The following SRSF1 variants were observed in gnomAD, a reference collection of about 807,000 sequenced individuals.
SRSF1 encodes the protein serine/arginine-rich splicing factor 1.
A neutral mutation model predicts 25.9 loss-of-function variants in SRSF1; 1 was observed. That is an observed-to-expected ratio of 0.04 (90% CI 0.01 to 0.18). SRSF1 has a LOEUF of 0.18. Ranked by LOEUF, SRSF1 falls within the 10% of genes least tolerant of loss-of-function variation. The pLI is 1.00. For synonymous variants in SRSF1, 132 were observed against 126.2 expected (o/e 1.05, Z -0.31); for missense variants, 65 against 350.5 (o/e 0.19, Z 6.50).
chr17:58,001,406 T>C lies in SRSF1; in HGVS notation c.*4000A>G, dbSNP rs1229802759. 1.3e-5 allele frequency among the ~76,000 whole-genome samples: 2 copies of C among 152,182 alleles called. No homozygotes were observed. Among genetic ancestry groups the C allele is most frequent in the Admixed American group, 1.3e-4 (2 of 15,272 alleles). On this transcript the variant is annotated 3_prime_UTR_variant, in exon 4 of 4. Transcript: ENST00000258962. ...GAATCTATTCATATTCCAAACAGCATTTTAAAAAACATTAAACTTAGCTTA... is the reference window on the plus strand; with the variant it reads ...GAATCTATTCATATTCCAAACAGCACTTTAAAAAACATTAAACTTAGCTTA...
chr17:58,006,600 AC>A (rs950222501), intron 1 of SRSF1, 73 bp from the exon 2 acceptor site: 7 of 1,480,286 alleles, frequency 4.7e-6, no homozygotes, highest in South Asian at 2.6e-5. Context: ...GAACCAGCAA[AC>A]CCCCCGCACA....
chr17:58,007,212 C>T lies in SRSF1; in HGVS notation c.-75G>A. 9 of 1,552,706 alleles carry T rather than the reference C, an allele frequency of 5.8e-6. No individual in the cohort carries two copies. Among genetic ancestry groups the T allele is most frequent in the Non-Finnish European group, 7.9e-6 (9 of 1,139,200 alleles). Reference sequence around the variant, plus strand: ...AGCGCACGGCAGAGCGAGCCCGCAGCGGCACCACGTCTCCCGCGGCCCCTC... The same window carrying T: ...AGCGCACGGCAGAGCGAGCCCGCAGTGGCACCACGTCTCCCGCGGCCCCTC... On this transcript the variant is annotated 5_prime_UTR_variant, in exon 1 of 4. Coordinates refer to ENST00000258962, the MANE Select transcript of SRSF1 (RefSeq NM_006924.5).
At position 58,001,553 on chromosome 17, in the gene SRSF1, A is replaced by C. The variant is rs572530644; in HGVS notation, c.*3853T>G. 5.3e-5 allele frequency among the ~76,000 whole-genome samples: 8 copies of C among 152,342 alleles called. No homozygotes were observed. The highest frequency in any genetic ancestry group is 5.9e-5 in the Non-Finnish European group (4 of 68,014). On this transcript the variant is annotated 3_prime_UTR_variant, in exon 4 of 4. Coordinates refer to ENST00000258962, the MANE Select transcript of SRSF1 (RefSeq NM_006924.5). The stretch of plus-strand genomic sequence containing the variant: ...GGTTATTCAATCTGATGTTATGAAA[A>C]GTAATTGCTTCTTAAAGAGACTTAA...
intron 1 of SRSF1, 42 bp downstream of exon 1, chr17:58,006,902 C>G: frequency 6.2e-7 from 1 of 1,606,796 alleles, no homozygotes. Context: ...CCCAACTACT[C>G]GGACCTATTT....
chr17:58,006,327 C>A lies in SRSF1; in HGVS notation c.379+16G>T. 1 of 1,599,052 alleles carries A rather than the reference C, an allele frequency of 6.3e-7. No individual in the cohort carries two copies. ...TTTCGTCCCTTCACATCAATCCACA[C>A]AACCAGTACACTCACCAGAGACAAC... On this transcript the variant is annotated intron_variant, in intron 2 of 3. Transcript: ENST00000258962.
Position 58,005,730 on chromosome 17 carries a change from AC to A in SRSF1, c.552+70del, listed in dbSNP as rs1000390268. On this transcript the variant is annotated intron_variant, in intron 3 of 3. Coordinates refer to ENST00000258962, the MANE Select transcript of SRSF1 (RefSeq NM_006924.5). This position sits in a 1 kb window ranked among gnomAD's most constrained non-coding sequence, Gnocchi z 5.2. ...CTTGGACAACCTTGCCTGAATCCTT[AC>A]CTTGAAATTCCACTGTTAAGACCAC... 1 of 1,612,072 alleles carries A rather than the reference AC, an allele frequency of 6.2e-7. No homozygotes were observed. Among genetic ancestry groups the A allele is most frequent in the African/African-American group, 1.3e-5 (1 of 74,840 alleles).
chr17:57,996,894 TCAC>T (rs1225236526), downstream of SRSF1, among the ~76,000 whole-genome samples: 2 of 152,154 alleles, frequency 1.3e-5, no homozygotes, highest in African/African-American at 4.8e-5. Context: ...TCTAGTCTCT[TCAC>T]AATACATCGT....
At position 58,007,201 on chromosome 17, in the gene SRSF1, C is replaced by G. The variant is rs1598062294; in HGVS notation, c.-64G>C. On this transcript the variant is annotated 5_prime_UTR_variant, in exon 1 of 4. Coordinates refer to ENST00000258962, the MANE Select transcript of SRSF1 (RefSeq NM_006924.5). ...CCACCAAGCCTAGCGCACGGCAGAG[C>G]GAGCCCGCAGCGGCACCACGTCTCC... 8 of 1,583,232 alleles carry G rather than the reference C, an allele frequency of 5.1e-6. No homozygotes were observed. The highest frequency in any genetic ancestry group is 2.7e-5 in the African/African-American group (2 of 74,566).
chr17:57,989,740 A>G, the SRSF1 span: 1 of 398,542 alleles, frequency 2.5e-6, no homozygotes, highest in Admixed American at 4.4e-5. Flanking sequence ...ATGAATGAGA[A>G]GTTCTGCAGT....
chr17:58,006,976 C>T lies in SRSF1; in HGVS notation c.162G>A (p.Pro54=). 2 of 1,614,254 alleles carry T rather than the reference C, an allele frequency of 1.2e-6. No homozygotes were observed. The highest frequency in any genetic ancestry group is 1.1e-5 in the South Asian group (1 of 91,088). The change falls in exon 1 of 4, where the codon CCG becomes CCA. Residue 54 remains proline, a synonymous_variant. Coordinates refer to ENST00000258962, the MANE Select transcript of SRSF1 (RefSeq NM_006924.5). ...DIDLKNRRGG[P]PFAFVEFEDP... is the part of the protein sequence containing the mutation. ...CCTCGAACTCAACGAAGGCGAAGGG[C>T]GGTCCCCCGCGGCGATTCTTGAGGT...
the SRSF1 span, chr17:57,990,281 G>C: frequency 6.6e-6 from 1 of 152,220 alleles, no homozygotes; most frequent in African/African-American, 2.4e-5. Context: ...AAACAGTCCA[G>C]TTCTCATTAC....
At chr17:57,994,953 CAAAG>C in the SRSF1 span, 2 of 152,134 alleles carry the variant, frequency 1.3e-5, no homozygotes, top group Non-Finnish European at 2.9e-5. Context: ...CCAAGCCTTG[CAAAG>C]AAATAATTAT....
At chr17:58,006,556 G>C in intron 1 of SRSF1, 29 bp from the exon 2 acceptor site, 1 of 1,592,724 alleles carries the variant, frequency 6.3e-7, no homozygotes, top group African/African-American at 1.3e-5. Flanking sequence ...TAAAAGGGAT[G>C]AGAAACACCA....
chr17:58,006,822 T>C (rs1255014808), intron 1 of SRSF1, 122 bp downstream of exon 1: 1 of 1,212,336 alleles, frequency 8.2e-7, no homozygotes, highest in Non-Finnish European at 1.2e-6. Context: ...GCATGGGCGA[T>C]ACAGTCTCGC....
In SRSF1 at chr17:58,005,969, C is replaced by T; in HGVS notation, c.384G>A (p.Leu128=). 3.7e-6 allele frequency: 6 copies of T among 1,610,136 alleles called. No homozygotes were observed. The highest frequency in any genetic ancestry group is 5.1e-6 in the Non-Finnish European group (6 of 1,179,542). The part of the protein sequence containing the change: ...RSENRVVVSG[L]PPSGSWQDLK... ...AATCCTGCCAACTTCCACTTGGAGGCAGTCCTGAAAAAGTGATTTTTTTTT... is the reference window on the plus strand; with the variant it reads ...AATCCTGCCAACTTCCACTTGGAGGTAGTCCTGAAAAAGTGATTTTTTTTT... The change falls in exon 3 of 4, where the codon CTG becomes CTA. Residue 128 remains leucine, a synonymous_variant. Transcript: ENST00000258962. This position sits in a 1 kb window ranked among gnomAD's most constrained non-coding sequence, Gnocchi z 5.2.
chr17:57,989,792 T>A, the SRSF1 span: 1 of 398,656 alleles, frequency 2.5e-6, no homozygotes, highest in Non-Finnish European at 4.4e-6. Context: ...AGGGAACCGG[T>A]CAGCCTAAGA....
At chr17:57,995,003 G>A in the SRSF1 span, among the ~76,000 whole-genome samples, 14 of 152,302 alleles carry the variant, frequency 9.2e-5, no homozygotes, top group East Asian at 1.5e-3. Flanking sequence ...AGTGCGTAAC[G>A]AGCACTGGGA....
Position 58,006,926 on chromosome 17 carries a change from A to T in SRSF1, c.194+18T>A. ...TCGGACCTATTTCCTCAAGGCTGCA[A>T]GCCCCATGCCGCCTCACCGCGGGTC... On this transcript the variant is annotated intron_variant, in intron 1 of 3. Transcript: ENST00000258962. The T allele has an allele frequency of 6.2e-7, 1 of 1,613,636 alleles. No homozygotes were observed. Among genetic ancestry groups the T allele is most frequent in the Non-Finnish European group, 8.5e-7 (1 of 1,179,628 alleles).
chr17:57,989,406 G>T, the SRSF1 span: 1 of 397,914 alleles, frequency 2.5e-6, no homozygotes, highest in Non-Finnish European at 4.4e-6. Context: ...TCTTCAGATG[G>T]ACGCATTATT....
Sources: allele counts gnomAD v4.1 joint callset (sites outside exome capture counted in the v4.1 genomes callset), GRCh38; gene constraint gnomAD v4.1.1; non-coding constraint Gnocchi (gnomAD v3.1); transcripts MANE v1.5; gene names NCBI Gene and HGNC (gene_info 2026-07-23, HGNC 2026-07-21).